Variants in PLEKHA5 observed in about 807,000 individuals in gnomAD.
PLEKHA5 encodes the protein pleckstrin homology domain containing A5, also known as pleckstrin homology domain-containing family A member 5.
In PLEKHA5, 55 loss-of-function variants were observed where a neutral mutation model predicts 181.9. That is an observed-to-expected ratio of 0.30 (90% CI 0.24 to 0.38). The LOEUF (loss-of-function observed/expected upper bound fraction) is 0.38, where lower values mean the gene tolerates loss of function less well. PLEKHA5 is among the 10% of genes least tolerant of loss of function. The pLI is 1.00. For synonymous variants in PLEKHA5, 535 were observed against 529.4 expected, an observed-to-expected ratio of 1.01 and a Z score of -0.15; for missense variants, 1,432 against 1,549.5, an observed-to-expected ratio of 0.92 and a Z score of 1.27.
chr12:19,193,835 G>T (rs2051885646), intron 3 of PLEKHA5, among the ~76,000 whole-genome samples: 1 of 152,142 alleles, frequency 6.6e-6, no homozygotes, highest in African/African-American at 2.4e-5. Flanking sequence ...TGCTTCTGGG[G>T]AGGCCTTGGG....
chr12:19,200,627 TC>T, intron 3 of PLEKHA5: 1 of 1,109,898 alleles, frequency 9.0e-7, no homozygotes. Context: ...AGCTTTTTCT[TC>T]CTCTTCAATC....
At chr12:19,229,609 G>A (rs977162729) in intron 3 of PLEKHA5, among the ~76,000 whole-genome samples, 1 of 152,170 alleles carries the variant, frequency 6.6e-6, no homozygotes, top group African/African-American at 2.4e-5. Flanking sequence ...AGCTCATAGA[G>A]GCAGTGCGGA....
At chr12:19,200,530 G>T in intron 3 of PLEKHA5, 1 of 1,335,962 alleles carries the variant, frequency 7.5e-7, no homozygotes, top group South Asian at 2.1e-5. Context: ...ACTCACCTCA[G>T]AATGCTTGTC....
intron 3 of PLEKHA5, among the ~76,000 whole-genome samples, chr12:19,142,227 G>C (rs2037568439): frequency 6.6e-6 from 1 of 151,978 alleles, no homozygotes; most frequent in South Asian, 2.1e-4. Context: ...TAATTAGCTG[G>C]TCATGGTGGT....
intron 15 of PLEKHA5, among the ~76,000 whole-genome samples, chr12:19,313,201 C>T (rs1326225360): frequency 2.0e-5 from 3 of 151,950 alleles, no homozygotes; most frequent in Non-Finnish European, 4.4e-5. Context: ...ATAATGAGGC[C>T]CCTGTCTCTA....
rs533015070 is a variant in PLEKHA5 at position 19,248,621 on chromosome 12, C to T, written c.228-5319C>T. On this transcript the variant is annotated intron_variant, in intron 3 of 31. Transcript: ENST00000429027. Reference sequence around the variant, plus strand: ...TTTATCCTAGAAGCAATAAGCTATACTATATAGCCTAGGTTTATATATAAA... The same window carrying T: ...TTTATCCTAGAAGCAATAAGCTATATTATATAGCCTAGGTTTATATATAAA... Among the ~76,000 whole-genome samples the T allele has an allele frequency of 7.9e-5, 12 of 152,194 alleles. No individual in the cohort carries two copies. The East Asian group carries it at 2.3e-3, about 29-fold the overall frequency.
chr12:19,232,825 A>G (rs2060834502), intron 3 of PLEKHA5, among the ~76,000 whole-genome samples: 1 of 152,174 alleles, frequency 6.6e-6, no homozygotes. Flanking sequence ...TATCTGAACT[A>G]TTATGTCAGT....
intron 3 of PLEKHA5, among the ~76,000 whole-genome samples, chr12:19,184,750 G>A (rs866526879): frequency 6.6e-6 from 1 of 152,144 alleles, no homozygotes; most frequent in Non-Finnish European, 1.5e-5. Context: ...TTAAAAATGC[G>A]GGAATGGAAT....
chr12:19,173,088 A>G (rs1412309491), intron 3 of PLEKHA5, among the ~76,000 whole-genome samples: 3 of 120,296 alleles, frequency 2.5e-5, no homozygotes, highest in Non-Finnish European at 4.9e-5. Flanking sequence ...CAGTGGCGCA[A>G]TCTCGGCTCA....
At chr12:19,133,997 C>T (rs2034840144) in intron 3 of PLEKHA5, among the ~76,000 whole-genome samples, 1 of 151,998 alleles carries the variant, frequency 6.6e-6, no homozygotes, top group African/African-American at 2.4e-5. Flanking sequence ...GTAATTTTGA[C>T]TACTGTACAT....
intron 25 of PLEKHA5, among the ~76,000 whole-genome samples, chr12:19,349,884 G>A (rs1376433732): frequency 6.6e-6 from 1 of 152,084 alleles, no homozygotes; most frequent in Non-Finnish European, 1.5e-5. Context: ...AGGTGGAGGC[G>A]GGCAGATCGC....
chr12:19,269,395 G>GAA (rs66531923), intron 8 of PLEKHA5, among the ~76,000 whole-genome samples: 1,260 of 105,838 alleles, frequency 0.012, 21 homozygotes, highest in African/African-American at 0.036. Flanking sequence ...TCAAAAAAAA[G>GAA]AAAAAAAAAA....
intron 3 of PLEKHA5, among the ~76,000 whole-genome samples, chr12:19,224,434 C>T (rs2059407230): frequency 6.6e-6 from 1 of 152,126 alleles, no homozygotes; most frequent in African/African-American, 2.4e-5. Context: ...TTCCCACTCA[C>T]TTGCCCATTA....
At chr12:19,159,480 A>G (rs77145199) in intron 3 of PLEKHA5, among the ~76,000 whole-genome samples, 1,698 of 152,300 alleles carry the variant, frequency 0.011, 24 homozygotes, top group African/African-American at 0.033. Flanking sequence ...TGCTTTTCTC[A>G]GATGATTGCT....
intron 13 of PLEKHA5, among the ~76,000 whole-genome samples, chr12:19,288,602 A>C (rs1327062524): frequency 1.3e-5 from 2 of 152,208 alleles, no homozygotes; most frequent in African/African-American, 4.8e-5. Flanking sequence ...TGTTTTGTAA[A>C]AACATTGTTT....
rs770405991 is a variant in PLEKHA5, at chr12:19,274,874, C to T, written c.1204C>T (p.Pro402Ser). 5 of 1,613,760 alleles carry T rather than the reference C, an allele frequency of 3.1e-6. No homozygotes were observed. In the Admixed American group the frequency reaches 6.7e-5, roughly 22 times the overall value. ...AGGTGGAAATCGCCCCAATACAGGG[C>T]CCTTATACACAGAGGCCGATCGAGT... ...LRGGNRPNTG[P>S]LYTEADRVIQ... Residue 402 changes from proline to serine, a missense_variant, in exon 11 of 32, where the codon CCC (proline) becomes TCC (serine). By Grantham distance (74) the Pro-to-Ser change is moderately conservative (BLOSUM62 -1). Around this residue, in one of 2 missense-constraint regions of PLEKHA5, gnomAD observed 1,143 missense variants for 1,168.4 expected, o/e 0.98. Coordinates refer to ENST00000429027, the MANE Select transcript of PLEKHA5 (RefSeq NM_001256470.2).
chr12:19,179,671 AAACT>A (rs1354622674), intron 3 of PLEKHA5, among the ~76,000 whole-genome samples: 1 of 152,174 alleles, frequency 6.6e-6, no homozygotes, highest in Non-Finnish European at 1.5e-5. Context: ...AAAAAAGAAA[AAACT>A]AAAACAGTGA....
At chr12:19,303,425 G>A (rs2082166920) in intron 15 of PLEKHA5, 1 of 152,090 alleles carries the variant, frequency 6.6e-6, no homozygotes. Context: ...GTTCAGAGCT[G>A]GTCCAATTTC....
chr12:19,348,287 A>G, intron 24 of PLEKHA5, 112 bp from the exon 25 acceptor site: 1 of 733,682 alleles, frequency 1.4e-6, no homozygotes, highest in Non-Finnish European at 2.3e-6. Flanking sequence ...TATATCCCAG[A>G]TGGCTCACTA....
Sources: allele counts gnomAD v4.1 joint callset (sites outside exome capture counted in the v4.1 genomes callset), GRCh38; gene constraint gnomAD v4.1.1; regional missense constraint gnomAD v4.1.1; transcripts MANE v1.5; gene names NCBI Gene and HGNC (gene_info 2026-07-23, HGNC 2026-07-21).